The following CEP128 variants were observed in gnomAD, a reference collection of about 807,000 sequenced individuals.
CEP128 encodes the protein centrosomal protein 128, also known as centrosomal protein 128kDa.
Under a neutral mutation model 156.7 loss-of-function variants are expected in CEP128, and 132 were observed. The observed-to-expected ratio is 0.84, with a 90% CI of 0.73 to 0.97. The LOEUF is 0.97. Ranked by LOEUF, CEP128 falls within the 50% of genes least tolerant of loss-of-function variation. CEP128 has a pLI of 0.00. For missense variants in CEP128, 1,252 were observed against 1,281.9 expected, an observed-to-expected ratio of 0.98 and a Z score of 0.36; for synonymous variants, 469 against 448.9, an observed-to-expected ratio of 1.04 and a Z score of -0.57.
At chr14:80,809,457 G>T (rs1013554515) in intron 13 of CEP128, among the ~76,000 whole-genome samples, 1 of 152,068 alleles carries the variant, frequency 6.6e-6, no homozygotes, top group African/African-American at 2.4e-5. Flanking sequence ...CAAAATAATA[G>T]ATAAAAACTT....
At chr14:80,846,057 A>G (rs1019890802) in intron 9 of CEP128, among the ~76,000 whole-genome samples, 5 of 152,204 alleles carry the variant, frequency 3.3e-5, no homozygotes, top group Admixed American at 6.6e-5. Flanking sequence ...GTCTATTTGC[A>G]TATGGTGCTG....
chr14:80,550,329 T>A (rs1207184381), intron 21 of CEP128, among the ~76,000 whole-genome samples: 1 of 152,178 alleles, frequency 6.6e-6, no homozygotes, highest in African/African-American at 2.4e-5. Context: ...GTTTTAAAGC[T>A]ATGTATCTCT....
chr14:80,618,784 A>G (rs550859044), intron 19 of CEP128, among the ~76,000 whole-genome samples: 7 of 152,276 alleles, frequency 4.6e-5, no homozygotes, highest in African/African-American at 1.7e-4. Context: ...CAACCATAAC[A>G]ATCACTTGGA....
chr14:80,932,638 C>A (rs761481823), intron 2 of CEP128, among the ~76,000 whole-genome samples: 1 of 152,066 alleles, frequency 6.6e-6, no homozygotes, highest in African/African-American at 2.4e-5. Flanking sequence ...GACCCCAAGA[C>A]GGGACTGTCT....
intron 13 of CEP128, among the ~76,000 whole-genome samples, chr14:80,814,634 G>A (rs1188575757): frequency 1.3e-5 from 2 of 152,150 alleles, no homozygotes; most frequent in Non-Finnish European, 2.9e-5. Context: ...TGTGAGACAT[G>A]ACTATAAAAA....
At chr14:80,487,090 A>G (rs1026518396), downstream of CEP128, among the ~76,000 whole-genome samples, 3 of 152,168 alleles carry the variant, frequency 2.0e-5, no homozygotes, top group African/African-American at 7.2e-5. Flanking sequence ...CAAACTGGAT[A>G]AAGAGTCAAA....
chr14:80,691,396 TC>T (rs1019003078), intron 19 of CEP128, among the ~76,000 whole-genome samples: 1 of 152,250 alleles, frequency 6.6e-6, no homozygotes, highest in African/African-American at 2.4e-5. Flanking sequence ...CACAATCTTC[TC>T]CCCACTATTG....
chr14:80,568,800 G>C (rs1421720234), intron 20 of CEP128, among the ~76,000 whole-genome samples: 1 of 151,780 alleles, frequency 6.6e-6, no homozygotes, highest in Non-Finnish European at 1.5e-5. Context: ...TAAGAACAAC[G>C]AGGGGAAAAA....
upstream of CEP128, among the ~76,000 whole-genome samples, chr14:80,943,179 C>T (rs75027845): frequency 0.044 from 6,649 of 152,268 alleles, 498 homozygotes; most frequent in African/African-American, 0.15. Context: ...CAAATGTATG[C>T]TGTATATTTC....
At chr14:80,584,544 C>T (rs903601810) in intron 19 of CEP128, among the ~76,000 whole-genome samples, 10 of 152,112 alleles carry the variant, frequency 6.6e-5, no homozygotes, top group African/African-American at 2.2e-4. Context: ...CACACCATTG[C>T]TGTATGCCAC....
chr14:80,517,702 G>T (rs563652475), intron 23 of CEP128, among the ~76,000 whole-genome samples: 1 of 152,274 alleles, frequency 6.6e-6, no homozygotes, highest in South Asian at 2.1e-4. Context: ...CTGACCTGGG[G>T]TTCTTGGCCT....
At chr14:80,538,629 T>C (rs1343698369) in intron 21 of CEP128, among the ~76,000 whole-genome samples, 1 of 152,224 alleles carries the variant, frequency 6.6e-6, no homozygotes, top group Non-Finnish European at 1.5e-5. Flanking sequence ...ATTTTTGGGG[T>C]GCATTTCGAA....
At chr14:80,572,296 A>G (rs1410972317) in intron 20 of CEP128, among the ~76,000 whole-genome samples, 15 of 152,156 alleles carry the variant, frequency 9.9e-5, no homozygotes, top group Non-Finnish European at 2.2e-4. Flanking sequence ...TTAATCATGT[A>G]TTATTAGTAC....
rs1347392586 is a variant in CEP128 at position 80,793,013 on chromosome 14, T to G, written c.1307A>C (p.Glu436Ala). The G allele has an allele frequency of 5.6e-6, 9 of 1,614,204 alleles. No homozygotes were observed. The South Asian group carries it at 8.8e-5, about 16-fold the overall frequency. ...IQNHFDTCEA[E>A]RKHADLQISE... Reference sequence around the variant, plus strand: ...GATCTGAAGGTCAGCATGCTTACGCTCGGCCTCACATGTGTCAAAGTGATT... The same window carrying G: ...GATCTGAAGGTCAGCATGCTTACGCGCGGCCTCACATGTGTCAAAGTGATT... The change falls in exon 14 of 25, where the codon GAG becomes GCG. Residue 436 changes from glutamate to alanine, a missense_variant. By Grantham distance (107) the Glu-to-Ala change is moderately radical (BLOSUM62 -1). Coordinates refer to ENST00000555265, the MANE Select transcript of CEP128 (RefSeq NM_152446.5).
intron 2 of CEP128, among the ~76,000 whole-genome samples, chr14:80,923,293 T>G (rs1884976149): frequency 6.6e-6 from 1 of 152,190 alleles, no homozygotes; most frequent in Non-Finnish European, 1.5e-5. Flanking sequence ...ATATGCAAAC[T>G]TGAATACTCC....
At chr14:80,944,428 CT>C (rs1194052891), upstream of CEP128, among the ~76,000 whole-genome samples, 1 of 152,180 alleles carries the variant, frequency 6.6e-6, no homozygotes, top group Non-Finnish European at 1.5e-5. Context: ...CCACTTCTCT[CT>C]CCTGCCACCA....
chr14:80,912,784 A>T (rs1884323639), intron 4 of CEP128, among the ~76,000 whole-genome samples: 1 of 134,458 alleles, frequency 7.4e-6, no homozygotes. Context: ...TAATAATAAT[A>T]ACAAGCCGTC....
intron 2 of CEP128, among the ~76,000 whole-genome samples, chr14:80,954,096 C>A (rs762013935): frequency 1.3e-5 from 2 of 151,980 alleles, no homozygotes; most frequent in Non-Finnish European, 2.9e-5. Flanking sequence ...AGTGAAACCC[C>A]GTCTCTACTA....
chr14:80,641,723 CA>C (rs1894417356), intron 19 of CEP128, among the ~76,000 whole-genome samples: 1 of 151,898 alleles, frequency 6.6e-6, no homozygotes, highest in African/African-American at 2.4e-5. Context: ...CTAATTATCC[CA>C]ACAGTGAAAG....
Sources: allele counts gnomAD v4.1 joint callset (sites outside exome capture counted in the v4.1 genomes callset), GRCh38; gene constraint gnomAD v4.1.1; transcripts MANE v1.5; gene names NCBI Gene and HGNC (gene_info 2026-07-23, HGNC 2026-07-21).